Variants in SGIP1 observed in about 807,000 individuals in gnomAD.
The protein encoded by SGIP1 is SH3-containing GRB2-like protein 3-interacting protein 1.
SGIP1 carries 38 observed loss-of-function variants against 107.5 expected under a neutral mutation model. The ratio of observed to expected loss-of-function variants is 0.35; its 90% CI spans 0.27 to 0.46. The LOEUF (loss-of-function observed/expected upper bound fraction) is 0.46, where lower values mean the gene tolerates loss of function less well. Ranked by LOEUF, SGIP1 falls within the 20% of genes least tolerant of loss-of-function variation. SGIP1 has a pLI of 1.00. For synonymous variants in SGIP1, 365 were observed against 366.1 expected (o/e 1.00, Z 0.03); for missense variants, 929 against 1,019.5 (o/e 0.91, Z 1.21).
At chr1:66,649,484 C>T (rs150666871) in intron 7 of SGIP1, among the ~76,000 whole-genome samples, 21 of 152,286 alleles carry the variant, frequency 1.4e-4, no homozygotes, top group Admixed American at 1.3e-4. Context: ...TTGCCATGGT[C>T]ATCTCTTTCT....
chr1:66,631,071 GAAAGAAAGAAAGAAAGAAAGAAAGAAAGA>G (rs1238628797), intron 2 of SGIP1, among the ~76,000 whole-genome samples: 7 of 140,022 alleles, frequency 5.0e-5, no homozygotes, highest in Non-Finnish European at 1.1e-4. Flanking sequence ...AAGAAAGAAA[GAAAGAAAGAAAGAAAGAAAGAAAGAAAGA>G]AAAAAAGAAA....
At chr1:66,710,407 G>A (rs1429670144) in intron 18 of SGIP1, among the ~76,000 whole-genome samples, 4 of 152,044 alleles carry the variant, frequency 2.6e-5, no homozygotes, top group South Asian at 2.1e-4. Flanking sequence ...CCAAGTTATC[G>A]AGTTTTTACT....
At chr1:66,581,545 A>G (rs1228177147) in intron 1 of SGIP1, among the ~76,000 whole-genome samples, 3 of 151,996 alleles carry the variant, frequency 2.0e-5, no homozygotes, top group Admixed American at 2.0e-4. Context: ...GCCAATCTTG[A>G]CTCAAAGAAT....
intron 1 of SGIP1, among the ~76,000 whole-genome samples, chr1:66,557,839 T>A (rs2058400236): frequency 6.6e-6 from 1 of 152,142 alleles, no homozygotes; most frequent in African/African-American, 2.4e-5. Flanking sequence ...AATGCACTAA[T>A]CTATAGAAGA....
intron 1 of SGIP1, among the ~76,000 whole-genome samples, chr1:66,588,194 G>A (rs1046459439): frequency 6.6e-5 from 10 of 151,974 alleles, no homozygotes; most frequent in African/African-American, 1.2e-4. Context: ...GGAGATTGCC[G>A]GATCATCTTT....
Position 66,749,110 on chromosome 1 carries a change from T to C in SGIP1, c.*6015T>C, listed in dbSNP as rs1467288679. Among the ~76,000 whole-genome samples, 1 of 151,378 alleles carries C rather than the reference T, an allele frequency of 6.6e-6. No homozygotes were observed. Among genetic ancestry groups the C allele is most frequent in the Non-Finnish European group, 1.5e-5 (1 of 67,742 alleles). ...TAGTATCTCTTAGTGAATTTAACTT[T>C]ATCATCTAAAATATTCAAAACAAAA... On this transcript the variant is annotated 3_prime_UTR_variant, in exon 25 of 25. Coordinates refer to ENST00000371037, the MANE Select transcript of SGIP1 (RefSeq NM_032291.4).
intron 9 of SGIP1, among the ~76,000 whole-genome samples, chr1:66,670,646 T>C (rs752548077): frequency 4.6e-5 from 7 of 152,228 alleles, no homozygotes; most frequent in Non-Finnish European, 8.8e-5. Context: ...GCATCAAATA[T>C]ATGCTAAACT....
At chr1:66,675,131 T>C (rs1368258253) in intron 12 of SGIP1, among the ~76,000 whole-genome samples, 1 of 152,240 alleles carries the variant, frequency 6.6e-6, no homozygotes, top group Non-Finnish European at 1.5e-5. Flanking sequence ...TTTGATTTGT[T>C]GCACCTACAT....
chr1:66,545,984 A>T (rs1442047021), intron 1 of SGIP1, among the ~76,000 whole-genome samples: 1 of 152,168 alleles, frequency 6.6e-6, no homozygotes, highest in Non-Finnish European at 1.5e-5. Context: ...ATGCTCAATA[A>T]ATACCCAGTT....
chr1:66,684,764 G>C (rs1383271339), intron 15 of SGIP1, among the ~76,000 whole-genome samples: 1 of 152,156 alleles, frequency 6.6e-6, no homozygotes, highest in African/African-American at 2.4e-5. Context: ...GATCTAATTA[G>C]GAAGAAAGGA....
chr1:66,656,975 C>T (rs1057218427), intron 7 of SGIP1, among the ~76,000 whole-genome samples: 2 of 151,670 alleles, frequency 1.3e-5, no homozygotes, highest in African/African-American at 4.9e-5. Flanking sequence ...TGAGACCAGC[C>T]TGAGCAACAT....
chr1:66,611,767 T>C (rs1209988020), intron 1 of SGIP1, among the ~76,000 whole-genome samples: 1 of 152,154 alleles, frequency 6.6e-6, no homozygotes, highest in Non-Finnish European at 1.5e-5. Context: ...AGATACTTCT[T>C]AGGTTTCTGG....
rs192964746 is a variant in SGIP1 at position 66,562,573 on chromosome 1, T to C, written c.10+28205T>C. The stretch of plus-strand genomic sequence containing the variant: ...TTCACCAAGGAGGGGTGGCAAAGTA[T>C]TTTACCACCAGCGGCAGAATATGCT... On this transcript the variant is annotated intron_variant, in intron 1 of 24. Transcript: ENST00000371037. Among the ~76,000 whole-genome samples, 26 of 152,152 alleles carry C rather than the reference T, an allele frequency of 1.7e-4. No homozygotes were observed. The East Asian group carries it at 3.5e-3, about 20-fold the overall frequency.
At chr1:66,587,437 A>G (rs2166308) in intron 1 of SGIP1, among the ~76,000 whole-genome samples, 28,539 of 151,210 alleles carry the variant, frequency 0.19, 3,175 homozygotes, top group African/African-American at 0.31. Flanking sequence ...TGGTTCACTG[A>G]TTCTTTTCTG....
chr1:66,555,002 C>G, intron 1 of SGIP1, among the ~76,000 whole-genome samples: 1 of 152,130 alleles, frequency 6.6e-6, no homozygotes, highest in South Asian at 2.1e-4. Flanking sequence ...ATTAAATCAT[C>G]TTTCATTCTT....
chr1:66,694,749 T>A, intron 17 of SGIP1: 1 of 387,038 alleles, frequency 2.6e-6, no homozygotes, highest in Non-Finnish European at 4.6e-6. Context: ...AAAGGTGAGA[T>A]GCTATTGCTT....
At chr1:66,642,260 C>T (rs1172293424) in intron 5 of SGIP1, among the ~76,000 whole-genome samples, 1 of 152,040 alleles carries the variant, frequency 6.6e-6, no homozygotes, top group African/African-American at 2.4e-5. Context: ...TCTGAGTCAC[C>T]CAGTGTCCAC....
At chr1:66,553,394 G>A (rs555572526) in intron 1 of SGIP1, among the ~76,000 whole-genome samples, 3 of 151,796 alleles carry the variant, frequency 2.0e-5, no homozygotes, top group Non-Finnish European at 4.4e-5. Context: ...TGAGGCCAAC[G>A]GCTGGACGTG....
chr1:66,691,227 G>A (rs187682392), intron 17 of SGIP1, among the ~76,000 whole-genome samples: 61 of 152,190 alleles, frequency 4.0e-4, no homozygotes, highest in Non-Finnish European at 6.5e-4. Context: ...TGGGAGAATC[G>A]TTAACTAAAG....
Sources: allele counts gnomAD v4.1 joint callset (sites outside exome capture counted in the v4.1 genomes callset), GRCh38; gene constraint gnomAD v4.1.1; transcripts MANE v1.5; gene names NCBI Gene and HGNC (gene_info 2026-07-23, HGNC 2026-07-21).